Variants in TMEM127 observed in about 807,000 individuals in gnomAD.
The protein encoded by TMEM127 is transmembrane protein 127.
Under a neutral mutation model 20.1 loss-of-function variants are expected in TMEM127, and 21 were observed. That is an observed-to-expected ratio of 1.04 (90% CI 0.74 to 1.50). The LOEUF (loss-of-function observed/expected upper bound fraction) is 1.50, where lower values mean the gene tolerates loss of function less well. Ranked by LOEUF, TMEM127 falls within the 40% of genes most tolerant of loss-of-function variation. The pLI is 0.00. For missense variants in TMEM127, 303 were observed against 317.4 expected (o/e 0.95, Z 0.34); for synonymous variants, 150 against 144.7 (o/e 1.04, Z -0.26).
chr2:96,254,813 T>G lies in TMEM127; in HGVS notation c.409+20A>C. 6.2e-7 allele frequency: 1 copy of G among 1,613,804 alleles called. No individual in the cohort carries two copies. Among genetic ancestry groups the G allele is most frequent in the Non-Finnish European group, 8.5e-7 (1 of 1,179,854 alleles). On this transcript the variant is annotated intron_variant, in intron 3 of 3. Coordinates refer to ENST00000258439, the MANE Select transcript of TMEM127 (RefSeq NM_017849.4). ...CCCTGTAGCAGTTCCTCTCCCACTG[T>G]GAGCAGGCTCACGGCTTACCCGTTA...
chr2:96,253,971 C>T lies in TMEM127; in HGVS notation c.554G>A (p.Gly185Glu), dbSNP rs774413835. The change falls in exon 4 of 4, where the codon GGA (glycine) becomes GAA (glutamate). Residue 185 changes from glycine (G) to glutamate (E), a missense_variant. Gly to Glu is a moderately conservative substitution (Grantham distance 98). Transcript: ENST00000258439. This position sits in a 1 kb window ranked among gnomAD's most constrained non-coding sequence, Gnocchi z 4.3. ...GGCTGCCGTGGCCAGGATTGAGGCT[C>T]CACCAGCTCCTGCCACCAGGTAGAA... is the stretch of plus-strand genomic sequence containing the variant. ...VSFYLVAGAGGASILATAANL... is the reference protein window; with the variant it reads ...VSFYLVAGAGEASILATAANL... The T allele has an allele frequency of 1.2e-6, 2 of 1,614,140 alleles. No homozygotes were observed. Among genetic ancestry groups the T allele is most frequent in the South Asian group, 1.1e-5 (1 of 91,082 alleles).
chr2:96,254,992 A>G lies in TMEM127; in HGVS notation c.250T>C (p.Cys84Arg). ...AGCAGCACTGTCTGGGGATTCATGC[A>G]GAAATCTGTAGAGGGAGAACCAAAT... ...YVHPDLLKDF[C>R]MNPQTVLLLR... The change falls in exon 3 of 4, where the codon TGC becomes CGC. Residue 84 changes from cysteine (C) to arginine (R), a missense_variant. Physicochemically the swap from Cys to Arg is radical, Grantham distance 180. Coordinates refer to ENST00000258439, the MANE Select transcript of TMEM127 (RefSeq NM_017849.4). 1 of 1,614,194 alleles carries G rather than the reference A, an allele frequency of 6.2e-7. No homozygotes were observed. The highest frequency in any genetic ancestry group is 8.5e-7 in the Non-Finnish European group (1 of 1,180,014).
chr2:96,265,468 G>A lies in TMEM127; in HGVS notation c.-87C>T, dbSNP rs527792197. ...GCGCAGAGCCTGACAGTCCGGTGGA[G>A]GATAGCAACGCTCCGGGTTCGCTGC... On this transcript the variant is annotated 5_prime_UTR_variant, in exon 2 of 4. Coordinates refer to ENST00000258439, the MANE Select transcript of TMEM127 (RefSeq NM_017849.4). 5.7e-4 allele frequency: 729 copies of A among 1,276,644 alleles called. 5 individuals are homozygous for A. The African/African-American group carries it at 0.011, about 19-fold the overall frequency. The allele number at this position is 1,276,644 out of a possible 1,614,324, so 79.1% of individuals were successfully genotyped here.
intron 2 of TMEM127, among the ~76,000 whole-genome samples, chr2:96,259,920 C>G (rs1684281218): frequency 6.6e-6 from 1 of 152,204 alleles, no homozygotes; most frequent in African/African-American, 2.4e-5. Flanking sequence ...CTTCTTCTAC[C>G]AAGACTTCCT....
rs1159737872 is a variant in TMEM127, at chr2:96,250,873, C to T, written c.*2935G>A. On this transcript the variant is annotated 3_prime_UTR_variant, in exon 4 of 4. Coordinates refer to ENST00000258439, the MANE Select transcript of TMEM127 (RefSeq NM_017849.4). ...GCAGTTTCTAGGGAGTGAAGGAACACGTGAAATACAGAAAATAAAGACAGA... is the reference window on the plus strand; with the variant it reads ...GCAGTTTCTAGGGAGTGAAGGAACATGTGAAATACAGAAAATAAAGACAGA... 4.3e-6 allele frequency: 1 copy of T among 230,204 alleles called. No individual in the cohort carries two copies. Among genetic ancestry groups the T allele is most frequent in the Non-Finnish European group, 8.6e-6 (1 of 116,326 alleles). 14.3% of individuals were successfully genotyped at this position (230,204 alleles called of 1,614,324 possible).
chr2:96,263,229 AT>A (rs938176093), intron 2 of TMEM127, among the ~76,000 whole-genome samples: 2 of 150,660 alleles, frequency 1.3e-5, no homozygotes, highest in African/African-American at 4.9e-5. Flanking sequence ...TAATTTTTGT[AT>A]TTTTAGTAGA....
At position 96,249,075 on chromosome 2, in the gene TMEM127, C is replaced by CTGTGTGTGTGTGTGTGG. The variant is rs1324408918; in HGVS notation, c.*4716_*4732dup. On this transcript the variant is annotated 3_prime_UTR_variant, in exon 4 of 4. Coordinates refer to ENST00000258439, the MANE Select transcript of TMEM127 (RefSeq NM_017849.4). ...TTCCCCAAAGCTTATGGTGAGGAACCTGTGTGTGTGTGTGTGGTGTGTGTG... is the reference window on the plus strand; with the variant it reads ...TTCCCCAAAGCTTATGGTGAGGAACCTGTGTGTGTGTGTGTGGTGTGTGTGTGTGTGTGGTGTGTGTG... 1 of 223,250 alleles carries CTGTGTGTGTGTGTGTGG rather than the reference C, an allele frequency of 4.5e-6. No individual in the cohort carries two copies. The highest frequency in any genetic ancestry group is 5.9e-5 in the Admixed American group (1 of 16,832). The allele number at this position is 223,250 out of a possible 1,614,324, so 13.8% of individuals were successfully genotyped here.
In TMEM127 at chr2:96,249,075, CTG is replaced by C. The variant is rs111392153; in HGVS notation, c.*4731_*4732del. ...TTCCCCAAAGCTTATGGTGAGGAAC[CTG>C]TGTGTGTGTGTGTGGTGTGTGTGTG... is the stretch of plus-strand genomic sequence containing the variant. On this transcript the variant is annotated 3_prime_UTR_variant, in exon 4 of 4. Coordinates refer to ENST00000258439, the MANE Select transcript of TMEM127 (RefSeq NM_017849.4). 212 of 220,886 alleles carry C rather than the reference CTG, an allele frequency of 9.6e-4. No individual in the cohort carries two copies. Among genetic ancestry groups the C allele is most frequent in the East Asian group, 1.7e-3 (26 of 15,340 alleles). The allele number at this position is 220,886 out of a possible 1,614,324, so 13.7% of individuals were successfully genotyped here.
intron 1 of TMEM127, 28 bp from the exon 2 acceptor site, chr2:96,265,540 G>T (rs903889975): frequency 7.0e-6 from 7 of 995,842 alleles, no homozygotes; most frequent in Non-Finnish European, 7.8e-6. Flanking sequence ...AGAGGATAGG[G>T]GGGTGGGACC....
chr2:96,253,860 G>A lies in TMEM127; in HGVS notation c.665C>T (p.Ala222Val), dbSNP rs373951977. The change falls in exon 4 of 4, where the codon GCG becomes GTG. Residue 222 changes from alanine to valine, a missense_variant. Transcript: ENST00000258439. The surrounding 1 kb of genome is among the most constrained non-coding windows in gnomAD (Gnocchi z 4.3). The stretch of plus-strand genomic sequence containing the variant: ...GAACTGGTTGATGACCTCATATTCC[G>A]CCGGGTAGGGCTCGTTCTCTTCCAT... ...SEMEENEPYPAEYEVINQFQP... is the reference protein window; with the variant it reads ...SEMEENEPYPVEYEVINQFQP... The A allele has an allele frequency of 7.5e-5, 121 of 1,613,986 alleles. No homozygotes were observed. Among genetic ancestry groups the A allele is most frequent in the Middle Eastern group, 3.3e-4 (2 of 6,062 alleles).
In TMEM127 at chr2:96,250,227, C is replaced by G. The variant is rs1364979160; in HGVS notation, c.*3581G>C. 2 of 233,186 alleles carry G rather than the reference C, an allele frequency of 8.6e-6. No individual in the cohort carries two copies. Among genetic ancestry groups the G allele is most frequent in the Non-Finnish European group, 8.5e-6 (1 of 118,060 alleles). 14.4% of individuals were successfully genotyped at this position (233,186 alleles called of 1,614,324 possible). ...AGTGCCTTAAATGAGCACCCCTCACCTTTCTAACCTCGGCTCTTACCACCT... is the reference window on the plus strand; with the variant it reads ...AGTGCCTTAAATGAGCACCCCTCACGTTTCTAACCTCGGCTCTTACCACCT... On this transcript the variant is annotated 3_prime_UTR_variant, in exon 4 of 4. Coordinates refer to ENST00000258439, the MANE Select transcript of TMEM127 (RefSeq NM_017849.4).
intron 2 of TMEM127, among the ~76,000 whole-genome samples, chr2:96,263,808 T>A: frequency 6.6e-6 from 1 of 151,732 alleles, no homozygotes. Context: ...ATCTGATGGG[T>A]CTAGTGGTGG....
chr2:96,265,610 G>A (rs1295764877), intron 1 of TMEM127, 98 bp from the exon 2 acceptor site: 7 of 444,528 alleles, frequency 1.6e-5, no homozygotes, highest in Non-Finnish European at 2.2e-5. Context: ...AGGAGACTCC[G>A]GAATGGGACT....
At position 96,265,192 on chromosome 2, in the gene TMEM127, G is replaced by A; in HGVS notation, c.190C>T (p.Gln64Ter). The A allele has an allele frequency of 1.2e-6, 2 of 1,609,342 alleles. No individual in the cohort carries two copies. The highest frequency in any genetic ancestry group is 1.7e-6 in the Non-Finnish European group (2 of 1,178,996). ...LHIHGGTCSR[Q>*]ELGVSDVLGY... ...AACACGTCGGAGACCCCCAGCTCCT[G>A]GCGCGAACAGGTGCCTCCGTGGATG... The change falls in exon 2 of 4, where the codon CAG (glutamine) becomes TAG (stop). Residue 64 changes from glutamine (Q) to a stop codon, truncating the protein, a stop_gained. Coordinates refer to ENST00000258439, the MANE Select transcript of TMEM127 (RefSeq NM_017849.4). LOFTEE classifies it high-confidence loss of function.
At chr2:96,265,009 G>C in intron 2 of TMEM127, 129 bp downstream of exon 2, 1 of 1,452,814 alleles carries the variant, frequency 6.9e-7, no homozygotes, top group Non-Finnish European at 9.4e-7. Context: ...CACCTGGTGG[G>C]CATGAACACC....
chr2:96,258,904 G>A (rs1459621851), intron 2 of TMEM127, among the ~76,000 whole-genome samples: 3 of 152,202 alleles, frequency 2.0e-5, no homozygotes, highest in African/African-American at 4.8e-5. Flanking sequence ...CATTACTGAT[G>A]AGGCCAGGCA....
Position 96,251,566 on chromosome 2 carries a change from C to T in TMEM127, c.*2242G>A, listed in dbSNP as rs756079423. The T allele has an allele frequency of 4.3e-6, 1 of 232,654 alleles. No individual in the cohort carries two copies. The highest frequency in any genetic ancestry group is 8.5e-6 in the Non-Finnish European group (1 of 117,522). The allele number at this position is 232,654 out of a possible 1,614,324, so 14.4% of individuals were successfully genotyped here. On this transcript the variant is annotated 3_prime_UTR_variant, in exon 4 of 4. Transcript: ENST00000258439. The stretch of plus-strand genomic sequence containing the variant: ...AAAAAATACAGCCTCATCAACATCT[C>T]CTGCTTCTCTGAGACAAAGGGAACA...
rs1242736942 is a variant in TMEM127, at chr2:96,250,759, A to G, written c.*3049T>C. The G allele has an allele frequency of 4.3e-5, 10 of 232,718 alleles. No homozygotes were observed. The highest frequency in any genetic ancestry group is 6.8e-5 in the Non-Finnish European group (8 of 117,814). 14.4% of individuals were successfully genotyped at this position (232,718 alleles called of 1,614,324 possible). A position where few individuals can be genotyped will look rare whatever the true frequency, so the allele number is the denominator to read the frequency against. On this transcript the variant is annotated 3_prime_UTR_variant, in exon 4 of 4. Transcript: ENST00000258439. ...GGCAATCAAGGCCTGGCACTGCCCT[A>G]CAGGAGGCTTACAGGTCACACTCCC...
chr2:96,256,081 G>C (rs975923585), intron 2 of TMEM127, among the ~76,000 whole-genome samples: 8 of 151,532 alleles, frequency 5.3e-5, no homozygotes, highest in Non-Finnish European at 1.2e-4. Context: ...GACCATCTTG[G>C]CCAACATGGT....
Sources: gnomAD v4.1 joint callset for allele counts (sites outside exome capture counted in the v4.1 genomes callset) on GRCh38, gnomAD v4.1.1 for gene constraint, Gnocchi (gnomAD v3.1) non-coding constraint, MANE v1.5 for transcripts, NCBI Gene and HGNC (gene_info 2026-07-23, HGNC 2026-07-21) for gene names.